Variants in NUP153 observed in about 807,000 individuals in gnomAD.
The protein encoded by NUP153 is nucleoporin 153, also known as nuclear pore complex protein Nup153.
Under a neutral mutation model 134.6 loss-of-function variants are expected in NUP153, and 27 were observed. That is an observed-to-expected ratio of 0.20 (90% CI 0.15 to 0.28). NUP153 has a LOEUF of 0.28. Among genes scored for constraint, NUP153 ranks in the 10% least tolerant of loss-of-function variants. NUP153 has a pLI of 1.00. For synonymous variants in NUP153, 640 were observed against 623.5 expected, an observed-to-expected ratio of 1.03 and a Z score of -0.40; for missense variants, 1,821 against 1,731.3, an observed-to-expected ratio of 1.05 and a Z score of -0.92.
chr6:17,654,400 C>T (rs1378865225), intron 11 of NUP153, among the ~76,000 whole-genome samples: 1 of 151,828 alleles, frequency 6.6e-6, no homozygotes, highest in Non-Finnish European at 1.5e-5. Flanking sequence ...TGGCTCACTG[C>T]AACCTCTGCC....
intron 1 of NUP153, among the ~76,000 whole-genome samples, chr6:17,698,628 C>T (rs961925803): frequency 2.6e-5 from 4 of 151,358 alleles, no homozygotes; most frequent in Non-Finnish European, 4.4e-5. Context: ...GTCCCAGCTA[C>T]TTGGGAGGCT....
At chr6:17,641,075 T>G (rs1765807515) in intron 14 of NUP153, among the ~76,000 whole-genome samples, 1 of 151,092 alleles carries the variant, frequency 6.6e-6, no homozygotes, top group Admixed American at 6.6e-5. Flanking sequence ...ATCCTTGTAT[T>G]TAGAGATCTA....
chr6:17,658,917 C>T (rs749930551), intron 11 of NUP153, among the ~76,000 whole-genome samples: 14 of 152,026 alleles, frequency 9.2e-5, no homozygotes, highest in Non-Finnish European at 1.8e-4. Context: ...GGTCTGCCGC[C>T]GGTCTAATCC....
At chr6:17,677,518 T>C (rs1448842776) in intron 2 of NUP153, among the ~76,000 whole-genome samples, 1 of 152,158 alleles carries the variant, frequency 6.6e-6, no homozygotes, top group Non-Finnish European at 1.5e-5. Context: ...CTATCTGGAA[T>C]ATGTTCAAAG....
chr6:17,651,027 ATAAAT>A (rs1766469535), intron 11 of NUP153, among the ~76,000 whole-genome samples: 1 of 152,200 alleles, frequency 6.6e-6, no homozygotes, highest in Admixed American at 6.5e-5. Context: ...AATCTAACAA[ATAAAT>A]TAAAATGACT....
chr6:17,664,809 T>C (rs1250418214), intron 9 of NUP153, among the ~76,000 whole-genome samples: 1 of 152,026 alleles, frequency 6.6e-6, no homozygotes, highest in African/African-American at 2.4e-5. Context: ...TCCCAGCACT[T>C]TGGGAGGCCA....
chr6:17,649,275 T>A lies in NUP153; in HGVS notation c.1421A>T (p.Lys474Ile), dbSNP rs780152799. The change falls in exon 12 of 22, where the codon AAA becomes ATA. Residue 474 changes from lysine to isoleucine, a missense_variant. Physicochemically the swap from Lys to Ile is moderately radical, Grantham distance 102 (BLOSUM62 -3). Coordinates refer to ENST00000262077, the MANE Select transcript of NUP153 (RefSeq NM_005124.4). ...AGAACTGGTGATCGGTAGAGAGATT[T>A]TCGGTAATACTGGAACTTCCATTTC... ...EEEMEVPVLPKISLPITSSSL... is the reference protein window; with the variant it reads ...EEEMEVPVLPIISLPITSSSL... The A allele has an allele frequency of 6.2e-7, 1 of 1,613,106 alleles. No individual in the cohort carries two copies. The highest frequency in any genetic ancestry group is 8.5e-7 in the Non-Finnish European group (1 of 1,179,704).
Position 17,624,548 on chromosome 6 carries a change from A to C in NUP153, c.4174+13T>G. The C allele has an allele frequency of 6.2e-7, 1 of 1,613,226 alleles. No individual in the cohort carries two copies. The highest frequency in any genetic ancestry group is 8.5e-7 in the Non-Finnish European group (1 of 1,179,290). ...AACCCATACAGATACTAACAGCATC[A>C]CAGCACACTTACTAGAATTAGGAGT... On this transcript the variant is annotated intron_variant, in intron 20 of 21. Transcript: ENST00000262077.
chr6:17,688,801 C>A (rs1007495547), intron 1 of NUP153, among the ~76,000 whole-genome samples, 183 bp from the exon 2 acceptor site: 1 of 152,054 alleles, frequency 6.6e-6, no homozygotes, highest in African/African-American at 2.4e-5. Context: ...GAAATTCTTT[C>A]TTTCTTCTAT....
chr6:17,689,527 T>A (rs1431900929), intron 1 of NUP153, among the ~76,000 whole-genome samples: 2 of 151,714 alleles, frequency 1.3e-5, no homozygotes, highest in Admixed American at 1.3e-4. Context: ...ATTAATTTTA[T>A]TACGGTAACT....
At chr6:17,669,080 C>G in intron 7 of NUP153, 52 bp from the exon 8 acceptor site, 2 of 1,258,870 alleles carry the variant, frequency 1.6e-6, no homozygotes, top group African/African-American at 1.5e-5. Context: ...ATGAAAAATA[C>G]CTTTTTTTTT....
chr6:17,674,816 A>AT lies in NUP153; in HGVS notation c.852+88dup, dbSNP rs903109448. The AT allele has an allele frequency of 2.3e-5, 25 of 1,079,312 alleles. No individual in the cohort carries two copies. The African/African-American group carries it at 3.6e-4, about 15-fold the overall frequency. 66.9% of individuals were successfully genotyped at this position (1,079,312 alleles called of 1,614,324 possible). On this transcript the variant is annotated intron_variant, in intron 5 of 21. Transcript: ENST00000262077. ...GAAAAATAAAAAATAAATCAAAACT[A>AT]TTTTTTTGAGCACAAAGTAATTTAT...
chr6:17,675,105 C>A lies in NUP153; in HGVS notation c.724-72G>T. 1 of 1,562,288 alleles carries A rather than the reference C, an allele frequency of 6.4e-7. No homozygotes were observed. Among genetic ancestry groups the A allele is most frequent in the Non-Finnish European group, 8.8e-7 (1 of 1,142,550 alleles). On this transcript the variant is annotated intron_variant, in intron 4 of 21. Coordinates refer to ENST00000262077, the MANE Select transcript of NUP153 (RefSeq NM_005124.4). The surrounding 1 kb of genome is among the most constrained non-coding windows in gnomAD (Gnocchi z 4.4). ...GGTGGAGGTTGCAGTGAGTTAAGAT[C>A]ATGCTGCTACACACTCAAGCCTGGG...
At chr6:17,639,167 T>A (rs888348604) in intron 15 of NUP153, among the ~76,000 whole-genome samples, 1 of 151,978 alleles carries the variant, frequency 6.6e-6, no homozygotes, top group African/African-American at 2.4e-5. Flanking sequence ...AACCTCCACC[T>A]CCCAGGTTCA....
intron 11 of NUP153, among the ~76,000 whole-genome samples, chr6:17,650,756 T>C (rs1362883004): frequency 6.6e-6 from 1 of 152,128 alleles, no homozygotes; most frequent in African/African-American, 2.4e-5. Context: ...CAAAAACTTT[T>C]TTCTCTTAAT....
intron 11 of NUP153, among the ~76,000 whole-genome samples, chr6:17,659,063 C>T (rs530360171): frequency 1.3e-5 from 2 of 152,338 alleles, no homozygotes; most frequent in South Asian, 4.1e-4. Context: ...TACAACAACA[C>T]CCAATGGCAC....
intron 2 of NUP153, among the ~76,000 whole-genome samples, chr6:17,682,930 A>G (rs913286903): frequency 4.6e-5 from 7 of 151,446 alleles, no homozygotes; most frequent in African/African-American, 1.5e-4. Flanking sequence ...AAGAAGAAAA[A>G]AAAAAAAAAA....
Position 17,628,475 on chromosome 6 carries a change from A to T in NUP153, c.3544+180T>A, listed in dbSNP as rs1253020774. ...CACAGATGACTTCACCAGAATCATGAGGGTTTTAAAGAGCAGTTCAAACTG... is the reference window on the plus strand; with the variant it reads ...CACAGATGACTTCACCAGAATCATGTGGGTTTTAAAGAGCAGTTCAAACTG... On this transcript the variant is annotated intron_variant, in intron 18 of 21. Transcript: ENST00000262077. The surrounding 1 kb of genome is among the most constrained non-coding windows in gnomAD (Gnocchi z 5.4). Among the ~76,000 whole-genome samples the T allele has an allele frequency of 6.6e-6, 1 of 152,154 alleles. No individual in the cohort carries two copies. The highest frequency in any genetic ancestry group is 1.5e-5 in the Non-Finnish European group (1 of 68,024).
chr6:17,651,245 G>A (rs75170242), intron 11 of NUP153, among the ~76,000 whole-genome samples: 1 of 152,100 alleles, frequency 6.6e-6, no homozygotes, highest in Non-Finnish European at 1.5e-5. Flanking sequence ...CGAGGCTGTA[G>A]TGGGCCATGA....
Sources: allele counts gnomAD v4.1 joint callset (sites outside exome capture counted in the v4.1 genomes callset), GRCh38; gene constraint gnomAD v4.1.1; non-coding constraint Gnocchi (gnomAD v3.1); transcripts MANE v1.5; gene names NCBI Gene and HGNC (gene_info 2026-07-23, HGNC 2026-07-21).